Variants in MIR2052HG observed in about 807,000 individuals in gnomAD.
MIR2052HG encodes MIR2052 host gene.
chr8:74,620,162 A>T (rs1304134797), intron 2 of MIR2052HG, among the ~76,000 whole-genome samples: 2 of 152,214 alleles, frequency 1.3e-5, no homozygotes, highest in Admixed American at 6.5e-5. Context: ...GGTTATGCTG[A>T]TGCAAGAGGT....
chr8:74,622,502 G>T (rs1808376371), intron 2 of MIR2052HG, among the ~76,000 whole-genome samples: 1 of 152,110 alleles, frequency 6.6e-6, no homozygotes, highest in Non-Finnish European at 1.5e-5. Flanking sequence ...TACTTGGGAG[G>T]CTGAGGCATG....
chr8:74,658,399 T>C (rs1017426992), intron 2 of MIR2052HG, among the ~76,000 whole-genome samples: 2 of 152,048 alleles, frequency 1.3e-5, no homozygotes, highest in African/African-American at 4.8e-5. Flanking sequence ...CTTTTTTTTT[T>C]TTTCTTTTTG....
intron 1 of MIR2052HG, among the ~76,000 whole-genome samples, chr8:74,602,128 C>A (rs757332197): frequency 6.6e-6 from 1 of 152,174 alleles, no homozygotes; most frequent in Non-Finnish European, 1.5e-5. Flanking sequence ...GCACAAGATA[C>A]AGGTTACAAA....
At position 74,602,876 on chromosome 8, in the gene MIR2052HG, T is replaced by TCC. The variant is rs1554570015; in HGVS notation, n.128+2968_128+2969insCC. Among the ~76,000 whole-genome samples, 63 of 137,164 alleles carry TCC rather than the reference T, an allele frequency of 4.6e-4. 1 individual carries two copies. The highest frequency in any genetic ancestry group is 1.3e-3 in the African/African-American group (49 of 36,724). The allele number at this position is 137,164 out of a possible 152,430, so 90.0% of individuals were successfully genotyped here. On this transcript the variant is annotated intron_variant and non_coding_transcript_variant, in intron 1 of 6. Coordinates refer to ENST00000523442, the Ensembl canonical transcript of MIR2052HG. ...TTCTTTCTTTCTTTCTTTCTTTCTT[T>TCC]TTTCTATTCACAAAGAAAAAGCTCC... is the stretch of plus-strand genomic sequence containing the variant.
intron 2 of MIR2052HG, among the ~76,000 whole-genome samples, chr8:74,640,467 CAAA>C (rs35779504): frequency 1.8e-4 from 15 of 83,560 alleles, no homozygotes; most frequent in African/African-American, 3.4e-4. Context: ...GACTCCGTCT[CAAA>C]AAAAAAAAAA....
At chr8:74,639,670 A>G (rs527667893) in intron 2 of MIR2052HG, among the ~76,000 whole-genome samples, 65 of 152,326 alleles carry the variant, frequency 4.3e-4, no homozygotes, top group African/African-American at 1.5e-3. Context: ...ATGTTCTTGC[A>G]TATTTTCTTT....
intron 4 of MIR2052HG, among the ~76,000 whole-genome samples, chr8:74,714,306 T>C (rs1209269039): frequency 6.6e-6 from 1 of 152,170 alleles, no homozygotes; most frequent in Non-Finnish European, 1.5e-5. Context: ...AATCAGAAAT[T>C]ATATTTGCCA....
chr8:74,662,858 TTGTGTG>T (rs68089808), intron 2 of MIR2052HG, among the ~76,000 whole-genome samples: 11,803 of 144,226 alleles, frequency 0.082, 976 homozygotes, highest in African/African-American at 0.22. Flanking sequence ...AATGACTCAT[TTGTGTG>T]TGTGTGTGTG....
chr8:74,758,228 T>C (rs1344033423), intron 6 of MIR2052HG: 4 of 152,126 alleles, frequency 2.6e-5, no homozygotes, highest in African/African-American at 4.8e-5. Flanking sequence ...AATACTCTAA[T>C]ATCTTAAAAT....
chr8:74,658,217 AT>A (rs1168417715), intron 2 of MIR2052HG, among the ~76,000 whole-genome samples: 1 of 152,108 alleles, frequency 6.6e-6, no homozygotes, highest in Non-Finnish European at 1.5e-5. Flanking sequence ...ATCTGCCAGC[AT>A]TCCCTTCCTC....
At chr8:74,676,856 C>G (rs1334873811) in intron 2 of MIR2052HG, among the ~76,000 whole-genome samples, 1 of 151,882 alleles carries the variant, frequency 6.6e-6, no homozygotes, top group Non-Finnish European at 1.5e-5. Flanking sequence ...TGTTAATTAG[C>G]TGGATTGTGG....
intron 2 of MIR2052HG, among the ~76,000 whole-genome samples, chr8:74,686,827 A>C (rs1362540158): frequency 6.6e-6 from 1 of 152,122 alleles, no homozygotes; most frequent in Non-Finnish European, 1.5e-5. Context: ...ATTAAACAGG[A>C]GAGGCAGTTG....
intron 5 of MIR2052HG, among the ~76,000 whole-genome samples, chr8:74,755,580 G>T (rs965052624): frequency 6.6e-6 from 1 of 152,178 alleles, no homozygotes; most frequent in Non-Finnish European, 1.5e-5. Context: ...AAAATGTTCT[G>T]CTGGCTCTTT....
intron 2 of MIR2052HG, among the ~76,000 whole-genome samples, chr8:74,695,920 A>G (rs2128740323): frequency 6.6e-6 from 1 of 152,220 alleles, no homozygotes; most frequent in Middle Eastern, 3.4e-3. Context: ...GGTCATCAAG[A>G]CAGAAAGTCA....
intron 2 of MIR2052HG, among the ~76,000 whole-genome samples, chr8:74,693,574 TG>T (rs1809261776): frequency 8.3e-6 from 1 of 121,138 alleles, no homozygotes; most frequent in African/African-American, 3.2e-5. Context: ...CCTGCTCATC[TG>T]CTGCCTGGAA....
intron 2 of MIR2052HG, among the ~76,000 whole-genome samples, chr8:74,689,546 G>T (rs963712521): frequency 1.3e-5 from 2 of 152,140 alleles, no homozygotes; most frequent in African/African-American, 2.4e-5. Context: ...TATGTTACCT[G>T]AGTTTAATTC....
At chr8:74,651,368 G>A (rs550082821) in intron 2 of MIR2052HG, among the ~76,000 whole-genome samples, 1 of 152,110 alleles carries the variant, frequency 6.6e-6, no homozygotes, top group East Asian at 1.9e-4. Context: ...GACAGGTAAT[G>A]GTTAGAAGTC....
intron 1 of MIR2052HG, chr8:74,603,292 C>A (rs1254564743): frequency 1.3e-6 from 2 of 1,569,806 alleles, no homozygotes; most frequent in African/African-American, 1.4e-5. Flanking sequence ...ATTGTTCTAG[C>A]TGCTCCCCAT....
intron 4 of MIR2052HG, among the ~76,000 whole-genome samples, chr8:74,712,036 T>C (rs1209368752): frequency 1.3e-5 from 2 of 152,152 alleles, no homozygotes; most frequent in Non-Finnish European, 2.9e-5. Context: ...GATGGTGGCA[T>C]TTAAGGTTAT....
Sources: gnomAD v4.1 joint callset for allele counts (sites outside exome capture counted in the v4.1 genomes callset) on GRCh38, gnomAD v4.1.1 for gene constraint, MANE v1.5 for transcripts, NCBI Gene and HGNC (gene_info 2026-07-23, HGNC 2026-07-21) for gene names.